The following STX17 variants were observed in gnomAD, a reference collection of about 807,000 sequenced individuals.
STX17 encodes the protein syntaxin 17.
Under a neutral mutation model 35.9 loss-of-function variants are expected in STX17, and 29 were observed. The ratio of observed to expected loss-of-function variants is 0.81; its 90% CI spans 0.60 to 1.10. The LOEUF (loss-of-function observed/expected upper bound fraction) is 1.10, where lower values mean the gene tolerates loss of function less well. Among genes scored for constraint, STX17 ranks in the 50% least tolerant of loss-of-function variants. The pLI is 0.00. For missense variants in STX17, 312 were observed against 352.3 expected, an observed-to-expected ratio of 0.89 and a Z score of 0.92; for synonymous variants, 92 against 118.3, an observed-to-expected ratio of 0.78 and a Z score of 1.44.
intron 1 of STX17, among the ~76,000 whole-genome samples, chr9:99,911,139 G>A (rs1280467144): frequency 2.0e-5 from 3 of 151,786 alleles, no homozygotes; most frequent in African/African-American, 2.4e-5. Context: ...GGGTTCAAGC[G>A]ATTCTCCTGC....
chr9:99,913,747 GTACCTGGAGATT>G (rs1828703332), intron 1 of STX17, among the ~76,000 whole-genome samples: 1 of 151,844 alleles, frequency 6.6e-6, no homozygotes, highest in Non-Finnish European at 1.5e-5. Flanking sequence ...CTTTGTTTTT[GTACCTGGAGATT>G]TTCCTTTTTG....
chr9:99,948,857 A>G (rs912052139), intron 3 of STX17, among the ~76,000 whole-genome samples: 1 of 152,172 alleles, frequency 6.6e-6, no homozygotes, highest in African/African-American at 2.4e-5. Flanking sequence ...TACAAATTAC[A>G]TAAGTGAGGA....
intron 1 of STX17, among the ~76,000 whole-genome samples, chr9:99,910,187 C>T (rs1052236168): frequency 2.0e-5 from 3 of 151,032 alleles, no homozygotes; most frequent in Non-Finnish European, 4.4e-5. Flanking sequence ...GAGCTGAGAT[C>T]GCACCACTTC....
chr9:99,922,530 A>G (rs555073595), intron 2 of STX17, among the ~76,000 whole-genome samples: 5 of 152,350 alleles, frequency 3.3e-5, no homozygotes, highest in African/African-American at 1.2e-4. Flanking sequence ...GAGAACATCA[A>G]GAAGACAGGA....
At chr9:99,908,190 T>C (rs547075773) in intron 1 of STX17, among the ~76,000 whole-genome samples, 3 of 152,224 alleles carry the variant, frequency 2.0e-5, no homozygotes, top group Admixed American at 2.0e-4. Flanking sequence ...GATCACTTGG[T>C]AGAGAGTGTC....
chr9:99,942,331 GCCT>G (rs1430286300), intron 3 of STX17, among the ~76,000 whole-genome samples: 3 of 151,958 alleles, frequency 2.0e-5, no homozygotes, highest in Non-Finnish European at 4.4e-5. Flanking sequence ...CATATGTTTT[GCCT>G]ATGACCCCTT....
At chr9:99,911,495 A>G (rs926451265) in intron 1 of STX17, among the ~76,000 whole-genome samples, 1 of 151,822 alleles carries the variant, frequency 6.6e-6, no homozygotes, top group African/African-American at 2.4e-5. Context: ...TGATATACTG[A>G]TTTTTTTTCC....
At chr9:99,915,463 C>A in intron 2 of STX17, 101 bp downstream of exon 2, 9 of 1,373,076 alleles carry the variant, frequency 6.6e-6, no homozygotes, top group Non-Finnish European at 8.7e-6. Flanking sequence ...AGAGGCATTG[C>A]TGAAACACCT....
intron 3 of STX17, among the ~76,000 whole-genome samples, chr9:99,930,201 G>A (rs114791762): frequency 0.015 from 2,354 of 151,882 alleles, 60 homozygotes; most frequent in African/African-American, 0.054. Flanking sequence ...ATGAGTCATC[G>A]CACCTGGCCA....
chr9:99,920,890 A>G (rs1285135396), intron 2 of STX17, among the ~76,000 whole-genome samples: 1 of 152,128 alleles, frequency 6.6e-6, no homozygotes, highest in East Asian at 1.9e-4. Flanking sequence ...TTTTCTTGTA[A>G]TTTGTTGTAA....
chr9:99,910,849 T>G (rs576972086), intron 1 of STX17, among the ~76,000 whole-genome samples: 1 of 152,188 alleles, frequency 6.6e-6, no homozygotes, highest in Non-Finnish European at 1.5e-5. Context: ...CCCATCACTC[T>G]ACTCTCTACC....
At chr9:99,917,617 C>T (rs1423318915) in intron 2 of STX17, among the ~76,000 whole-genome samples, 1 of 152,140 alleles carries the variant, frequency 6.6e-6, no homozygotes, top group Non-Finnish European at 1.5e-5. Context: ...TCCATAGGTC[C>T]TTCATTTTAT....
intron 3 of STX17, among the ~76,000 whole-genome samples, chr9:99,947,758 T>G (rs1461938326): frequency 6.6e-6 from 1 of 151,990 alleles, no homozygotes; most frequent in Non-Finnish European, 1.5e-5. Flanking sequence ...AGTACCAGAG[T>G]CCTTATACTT....
rs1481644216 is a variant in STX17 at position 99,968,841 on chromosome 9, G to A, written c.*168G>A. ...GATATATTTTGTTGTTTGCTGGGGT[G>A]TTCATGGAGATGTTAAGAGATTGAG... On this transcript the variant is annotated 3_prime_UTR_variant, in exon 8 of 8. Transcript: ENST00000259400. 4 of 1,060,376 alleles carry A rather than the reference G, an allele frequency of 3.8e-6. No individual in the cohort carries two copies. The highest frequency in any genetic ancestry group is 5.2e-6 in the Non-Finnish European group (4 of 762,972). The allele number at this position is 1,060,376 out of a possible 1,614,324, so 65.7% of individuals were successfully genotyped here.
intron 3 of STX17, among the ~76,000 whole-genome samples, chr9:99,949,679 A>G (rs926843002): frequency 2.0e-5 from 3 of 152,046 alleles, no homozygotes; most frequent in African/African-American, 7.2e-5. Context: ...GATTTGCATT[A>G]ATATTGTGAA....
chr9:99,914,898 G>C (rs1564057059), intron 1 of STX17, among the ~76,000 whole-genome samples: 1 of 152,070 alleles, frequency 6.6e-6, no homozygotes, highest in Non-Finnish European at 1.5e-5. Context: ...AAAATGTAAA[G>C]AGTACATTTT....
chr9:99,916,106 A>G (rs375321797), intron 2 of STX17: 30 of 455,382 alleles, frequency 6.6e-5, no homozygotes, highest in African/African-American at 5.2e-4. Context: ...TCCTTACTTC[A>G]CAGCTTCCCT....
At chr9:99,917,102 A>G (rs983551703) in intron 2 of STX17, among the ~76,000 whole-genome samples, 2 of 152,158 alleles carry the variant, frequency 1.3e-5, no homozygotes, top group African/African-American at 4.8e-5. Flanking sequence ...TTAGCATTTT[A>G]TGAAATTTTT....
intron 2 of STX17, among the ~76,000 whole-genome samples, chr9:99,926,074 T>C (rs1171307180): frequency 6.6e-6 from 1 of 152,088 alleles, no homozygotes; most frequent in Non-Finnish European, 1.5e-5. Flanking sequence ...TTAGGTTTAC[T>C]AATCTTTTCT....
Sources: gnomAD v4.1 joint callset for allele counts (sites outside exome capture counted in the v4.1 genomes callset) on GRCh38, gnomAD v4.1.1 for gene constraint, MANE v1.5 for transcripts, NCBI Gene and HGNC (gene_info 2026-07-23, HGNC 2026-07-21) for gene names.